Variants in LMO7 observed in about 807,000 individuals in gnomAD.
LMO7 encodes LIM domain 7, also known as LIM domain only protein 7.
In LMO7, 120 loss-of-function variants were observed where a neutral mutation model predicts 206.5. The observed-to-expected ratio is 0.58, with a 90% CI of 0.50 to 0.68. The LOEUF is 0.68. Ranked by LOEUF, LMO7 falls within the 30% of genes least tolerant of loss-of-function variation. The probability of loss-of-function intolerance (pLI) is 0.00; values close to 1 mark genes in which losing one functional copy is unlikely to be tolerated. For missense variants in LMO7, 1,959 were observed against 1,957.9 expected (o/e 1.00, Z -0.01); for synonymous variants, 706 against 681.5 (o/e 1.04, Z -0.56).
chr13:75,636,845 G>C, intron 1 of LMO7, 119 bp downstream of exon 1: 1 of 982,140 alleles, frequency 1.0e-6, no homozygotes, highest in Non-Finnish European at 1.6e-6. Context: ...CCCAGCCGAC[G>C]TGAACAAGCT....
intron 1 of LMO7, among the ~76,000 whole-genome samples, chr13:75,708,746 A>G (rs2138022532): frequency 1.3e-5 from 2 of 152,258 alleles, no homozygotes; most frequent in Admixed American, 1.3e-4. Context: ...AGAATATGCC[A>G]TTCTCTTTGG....
intron 1 of LMO7, among the ~76,000 whole-genome samples, chr13:75,705,490 T>C (rs924946963): frequency 6.6e-6 from 1 of 152,108 alleles, no homozygotes; most frequent in Admixed American, 6.5e-5. Context: ...AAGAAAAAAT[T>C]GTATACAAGG....
At chr13:75,640,013 G>A (rs542650116) in intron 1 of LMO7, among the ~76,000 whole-genome samples, 24 of 152,216 alleles carry the variant, frequency 1.6e-4, no homozygotes, top group Non-Finnish European at 5.9e-5. Context: ...TTTATCCTTC[G>A]GGGATGTGCT....
At position 75,686,578 on chromosome 13, in the gene LMO7, T is replaced by C. The variant is rs191371258; in HGVS notation, c.70-26604T>C. ...TGTAAGGGATAAAATATATTGGAGT[T>C]GGCTTTATGGGAGAGGATTTTAGAT... On this transcript the variant is annotated intron_variant, in intron 1 of 30. Transcript: ENST00000377534. 2.0e-5 allele frequency among the ~76,000 whole-genome samples: 3 copies of C among 150,750 alleles called. No homozygotes were observed. The East Asian group carries it at 5.8e-4, about 29-fold the overall frequency.
At chr13:75,695,927 C>T (rs2041863978) in intron 1 of LMO7, among the ~76,000 whole-genome samples, 1 of 152,056 alleles carries the variant, frequency 6.6e-6, no homozygotes, top group South Asian at 2.1e-4. Flanking sequence ...TTTTATGTAC[C>T]TAGATCTAGC....
At chr13:75,806,304 C>G (rs951770192) in intron 9 of LMO7, 5 of 940,624 alleles carry the variant, frequency 5.3e-6, no homozygotes, top group Middle Eastern at 5.4e-4. Context: ...GGTCTGGCCT[C>G]AGACAACCCT....
At chr13:75,796,780 G>A (rs747654486) in intron 6 of LMO7, 31 bp downstream of exon 6, 9 of 1,267,692 alleles carry the variant, frequency 7.1e-6, no homozygotes. Context: ...TGAGATTACT[G>A]CTGTAATACA....
upstream of LMO7, among the ~76,000 whole-genome samples, chr13:75,632,862 G>GTTTTTTTTTTGTTTTTTTTTTTGT (rs2035138167): frequency 5.2e-4 from 53 of 102,150 alleles, 3 homozygotes; most frequent in African/African-American, 2.0e-3. Flanking sequence ...TTACTTAAAA[G>GTTTTTTTTTTGTTTTTTTTTTTGT]TTTTTTTTTT....
At chr13:75,674,174 G>GA (rs1351181542) in intron 1 of LMO7, among the ~76,000 whole-genome samples, 5 of 152,170 alleles carry the variant, frequency 3.3e-5, no homozygotes, top group Non-Finnish European at 7.4e-5. Context: ...GAGAACAATA[G>GA]AAGACAGTGA....
intron 1 of LMO7, among the ~76,000 whole-genome samples, chr13:75,657,924 A>G (rs2038209143): frequency 6.6e-6 from 1 of 152,218 alleles, no homozygotes; most frequent in Non-Finnish European, 1.5e-5. Flanking sequence ...GTGGATCCTT[A>G]AAACAAAGAT....
chr13:75,732,241 C>T (rs994414873), intron 3 of LMO7, among the ~76,000 whole-genome samples: 2 of 152,156 alleles, frequency 1.3e-5, no homozygotes, highest in Non-Finnish European at 2.9e-5. Context: ...GTTCCATTCT[C>T]CCCGTCACTT....
At chr13:75,675,239 A>C (rs1454706395) in intron 1 of LMO7, among the ~76,000 whole-genome samples, 2 of 151,650 alleles carry the variant, frequency 1.3e-5, no homozygotes, top group Non-Finnish European at 2.9e-5. Flanking sequence ...ATGCCTGTCT[A>C]ATTTTTGTAT....
At chr13:75,657,857 C>T (rs770368486) in intron 1 of LMO7, among the ~76,000 whole-genome samples, 6 of 152,132 alleles carry the variant, frequency 3.9e-5, no homozygotes, top group Non-Finnish European at 7.4e-5. Flanking sequence ...CTTTCTTGAA[C>T]AGATTCTTTG....
intron 3 of LMO7, among the ~76,000 whole-genome samples, chr13:75,754,387 C>T (rs945566175): frequency 6.6e-6 from 1 of 152,182 alleles, no homozygotes; most frequent in African/African-American, 2.4e-5. Flanking sequence ...TAGACCACAA[C>T]ATGTTTATCC....
rs1595463793 is a variant in LMO7, at chr13:75,841,739, A to C, written c.3787A>C (p.Thr1263Pro). The change falls in exon 24 of 31, where the codon ACC becomes CCC. Residue 1263 changes from threonine (T) to proline (P), a missense_variant. Coordinates refer to ENST00000377534, the MANE Select transcript of LMO7 (RefSeq NM_001306080.2). Reference sequence around the variant, plus strand: ...GTCCAAGTCTTCAGACAGAGAAGGAACCCGAGCAGGAGAAGAGGAGAGGAG... The same window carrying C: ...GTCCAAGTCTTCAGACAGAGAAGGACCCCGAGCAGGAGAAGAGGAGAGGAG... ...EGSKSSDREG[T>P]RAGEEERRQP... 1 of 1,614,046 alleles carries C rather than the reference A, an allele frequency of 6.2e-7. No individual in the cohort carries two copies.
chr13:75,833,304 T>G (rs1566573364), intron 16 of LMO7, 139 bp downstream of exon 16: 3 of 615,158 alleles, frequency 4.9e-6, no homozygotes, highest in Non-Finnish European at 8.9e-6. Flanking sequence ...AGAAAATACA[T>G]CCTCTTTCCT....
intron 3 of LMO7, among the ~76,000 whole-genome samples, chr13:75,738,557 G>A (rs1271213992): frequency 6.6e-6 from 1 of 151,856 alleles, no homozygotes; most frequent in African/African-American, 2.4e-5. Context: ...AGAAATACAT[G>A]TTCTCTATCT....
intron 1 of LMO7, among the ~76,000 whole-genome samples, chr13:75,646,777 G>GT (rs1167904216): frequency 6.6e-6 from 1 of 151,938 alleles, no homozygotes; most frequent in Non-Finnish European, 1.5e-5. Context: ...TAGAGACAGG[G>GT]TTTTTTCATG....
intron 4 of LMO7, among the ~76,000 whole-genome samples, chr13:75,776,868 T>C (rs1446089869): frequency 6.6e-6 from 1 of 152,228 alleles, no homozygotes; most frequent in Non-Finnish European, 1.5e-5. Context: ...AAAATTGTAG[T>C]GTGAATTGTT....
Sources: gnomAD v4.1 joint callset for allele counts (sites outside exome capture counted in the v4.1 genomes callset) on GRCh38, gnomAD v4.1.1 for gene constraint, MANE v1.5 for transcripts, NCBI Gene and HGNC (gene_info 2026-07-23, HGNC 2026-07-21) for gene names.